Variants in PTPRO observed in about 807,000 individuals in gnomAD.
PTPRO encodes receptor-type tyrosine-protein phosphatase O.
PTPRO carries 62 observed loss-of-function variants against 145.2 expected under a neutral mutation model. The ratio of observed to expected loss-of-function variants is 0.43; its 90% confidence interval spans 0.35 to 0.53. The LOEUF (loss-of-function observed/expected upper bound fraction) is 0.53, where lower values mean the gene tolerates loss of function less well. PTPRO is among the 20% of genes least tolerant of loss of function. The probability of loss-of-function intolerance (pLI) is 0.01; values close to 1 mark genes in which losing one functional copy is unlikely to be tolerated. For synonymous variants in PTPRO, 565 were observed against 514.7 expected, an observed-to-expected ratio of 1.10 and a Z score of -1.32; for missense variants, 1,345 against 1,482.7, an observed-to-expected ratio of 0.91 and a Z score of 1.53.
intron 1 of PTPRO, among the ~76,000 whole-genome samples, chr12:15,351,340 T>C (rs556176083): frequency 9.5e-4 from 145 of 152,338 alleles, no homozygotes; most frequent in Middle Eastern, 3.4e-3. Flanking sequence ...TAGGAATTGC[T>C]CTTTCTCTAG....
chr12:15,559,299 C>A (rs1943715490), intron 16 of PTPRO, among the ~76,000 whole-genome samples: 1 of 152,180 alleles, frequency 6.6e-6, no homozygotes, highest in African/African-American at 2.4e-5. Context: ...CCGACTCTAG[C>A]ATTTTCTAGC....
intron 1 of PTPRO, among the ~76,000 whole-genome samples, chr12:15,376,518 A>G (rs753352264): frequency 3.5e-4 from 54 of 152,344 alleles, no homozygotes; most frequent in South Asian, 1.7e-3. Context: ...GATGAAATAC[A>G]GAGCCTCCAG....
chr12:15,419,583 G>T (rs1271003690), intron 1 of PTPRO, among the ~76,000 whole-genome samples: 1 of 151,582 alleles, frequency 6.6e-6, no homozygotes, highest in Non-Finnish European at 1.5e-5. Flanking sequence ...GACCTACAGG[G>T]AACTTTTCTT....
chr12:15,546,333 A>T (rs552351324), intron 12 of PTPRO: 1 of 1,354,886 alleles, frequency 7.4e-7, no homozygotes, highest in Non-Finnish European at 9.5e-7. Flanking sequence ...AGTAGAAAAC[A>T]GAAGTGTTCT....
rs994044082 is a variant in PTPRO, at chr12:15,358,123, A to C, written c.75+35322A>C. 7.3e-5 allele frequency among the ~76,000 whole-genome samples: 11 copies of C among 151,028 alleles called. No homozygotes were observed. In the East Asian group the frequency reaches 1.8e-3, roughly 24 times the overall value. On this transcript the variant is annotated intron_variant, in intron 1 of 26. Transcript: ENST00000281171. Reference sequence around the variant, plus strand: ...AAATTGGAAATCATCATTCTCAGTAAACTATCGCAAGGACAAAAAACCAAA... The same window carrying C: ...AAATTGGAAATCATCATTCTCAGTACACTATCGCAAGGACAAAAAACCAAA...
At chr12:15,466,508 G>A (rs1251533732) in intron 1 of PTPRO, among the ~76,000 whole-genome samples, 1 of 152,158 alleles carries the variant, frequency 6.6e-6, no homozygotes, top group Non-Finnish European at 1.5e-5. Context: ...TATTCAGAAA[G>A]TTTTGCAATG....
intron 1 of PTPRO, chr12:15,439,868 A>G: frequency 1.6e-6 from 1 of 638,622 alleles, no homozygotes; most frequent in Non-Finnish European, 2.9e-6. Context: ...GCAGAAGCAG[A>G]CCCACGTCGG....
intron 1 of PTPRO, among the ~76,000 whole-genome samples, chr12:15,357,743 C>G (rs1473207716): frequency 1.3e-5 from 2 of 150,960 alleles, no homozygotes; most frequent in Admixed American, 6.6e-5. Context: ...ACAACAGGTG[C>G]TGGAGAGGAT....
At chr12:15,352,489 A>G (rs1241246920) in intron 1 of PTPRO, among the ~76,000 whole-genome samples, 3 of 152,018 alleles carry the variant, frequency 2.0e-5, no homozygotes. Context: ...TCTCTACTAA[A>G]AAATACAAAG....
chr12:15,356,874 A>G (rs1353117356), intron 1 of PTPRO, among the ~76,000 whole-genome samples: 1 of 151,862 alleles, frequency 6.6e-6, no homozygotes, highest in Non-Finnish European at 1.5e-5. Context: ...TTTCTGTGCT[A>G]TGGTAGACAG....
chr12:15,458,805 G>A (rs1380577224), intron 1 of PTPRO, among the ~76,000 whole-genome samples: 1 of 151,958 alleles, frequency 6.6e-6, no homozygotes, highest in African/African-American at 2.4e-5. Flanking sequence ...TTTTCCATCA[G>A]AGACATAATA....
chr12:15,458,612 T>TC (rs1941233798), intron 1 of PTPRO, among the ~76,000 whole-genome samples: 1 of 151,640 alleles, frequency 6.6e-6, no homozygotes, highest in Non-Finnish European at 1.5e-5. Flanking sequence ...TTCTGCTTGA[T>TC]CTAGTCTGCT....
At chr12:15,357,209 C>T (rs1283871570) in intron 1 of PTPRO, among the ~76,000 whole-genome samples, 1 of 152,256 alleles carries the variant, frequency 6.6e-6, no homozygotes, top group African/African-American at 2.4e-5. Flanking sequence ...CTCTCCATCT[C>T]TAATTACTGC....
chr12:15,538,657 C>G (rs1412799780), intron 12 of PTPRO, among the ~76,000 whole-genome samples: 2 of 152,222 alleles, frequency 1.3e-5, no homozygotes, highest in Admixed American at 1.3e-4. Context: ...TGAAGTCTGG[C>G]ATTGACCTAA....
chr12:15,574,296 G>A (rs1397387224), intron 19 of PTPRO, among the ~76,000 whole-genome samples: 1 of 152,094 alleles, frequency 6.6e-6, no homozygotes, highest in East Asian at 1.9e-4. Context: ...AAAGTCTTGG[G>A]ACCCAGGGAT....
chr12:15,531,688 C>G (rs1340263210), intron 12 of PTPRO, among the ~76,000 whole-genome samples: 1 of 152,138 alleles, frequency 6.6e-6, no homozygotes, highest in Non-Finnish European at 1.5e-5. Flanking sequence ...CCTTTAGAGA[C>G]AGTATGACCG....
intron 12 of PTPRO, among the ~76,000 whole-genome samples, chr12:15,544,767 G>C (rs1943248115): frequency 6.6e-6 from 1 of 152,118 alleles, no homozygotes; most frequent in Non-Finnish European, 1.5e-5. Flanking sequence ...TATTAGCAAA[G>C]GCAGTTATAA....
At position 15,509,478 on chromosome 12, in the gene PTPRO, C is replaced by T. The variant is rs564496402; in HGVS notation, c.1464+711C>T. 2.2e-3 allele frequency among the ~76,000 whole-genome samples: 333 copies of T among 151,724 alleles called. 3 individuals carry two copies. The highest frequency in any genetic ancestry group is 7.6e-3 in the African/African-American group (316 of 41,382). ...TTGGAAGGCCGAGGCGGGTGGATCACCTGAGGTCAGGAGTTCGAGACCAGC... is the reference window on the plus strand; with the variant it reads ...TTGGAAGGCCGAGGCGGGTGGATCATCTGAGGTCAGGAGTTCGAGACCAGC... On this transcript the variant is annotated intron_variant, in intron 7 of 26. Coordinates refer to ENST00000281171, the MANE Select transcript of PTPRO (RefSeq NM_030667.3).
intron 25 of PTPRO, among the ~76,000 whole-genome samples, chr12:15,591,407 G>C (rs1239864602): frequency 6.6e-6 from 1 of 151,852 alleles, no homozygotes; most frequent in Non-Finnish European, 1.5e-5. Context: ...TTTTAATTAT[G>C]GCCTGTTTGC....
Sources: allele counts gnomAD v4.1 joint callset (sites outside exome capture counted in the v4.1 genomes callset), GRCh38; gene constraint gnomAD v4.1.1; transcripts MANE v1.5; gene names NCBI Gene and HGNC (gene_info 2026-07-23, HGNC 2026-07-21).